HS6ST3: variants seen among roughly 807,000 people sequenced by gnomAD.
The protein encoded by HS6ST3 is heparan sulfate 6-O-sulfotransferase 3, also known as heparan-sulfate 6-O-sulfotransferase 3.
HS6ST3 carries 12 observed loss-of-function variants against 36.7 expected under a neutral mutation model. The ratio of observed to expected loss-of-function variants is 0.33; its 90% confidence interval spans 0.21 to 0.53. The LOEUF is 0.53. Among genes scored for constraint, HS6ST3 ranks in the 20% least tolerant of loss-of-function variants. HS6ST3 has a pLI of 0.95. For synonymous variants in HS6ST3, 240 were observed against 257.5 expected (o/e 0.93, Z 0.65); for missense variants, 584 against 640.9 (o/e 0.91, Z 0.96).
At chr13:96,177,595 T>C (rs1594705394) in intron 1 of HS6ST3, among the ~76,000 whole-genome samples, 2 of 151,946 alleles carry the variant, frequency 1.3e-5, no homozygotes, top group East Asian at 3.9e-4. Context: ...AAGAATGATA[T>C]GAACCCAAAG....
intron 1 of HS6ST3, among the ~76,000 whole-genome samples, chr13:96,226,251 G>T (rs10467348): frequency 0.45 from 69,048 of 152,098 alleles, 16,084 homozygotes; most frequent in Admixed American, 0.57. Context: ...CCAGACGCAG[G>T]GGCTCATGCC....
At chr13:96,141,988 A>G (rs1173913311) in intron 1 of HS6ST3, among the ~76,000 whole-genome samples, 1 of 144,180 alleles carries the variant, frequency 6.9e-6, no homozygotes, top group Admixed American at 7.1e-5. Flanking sequence ...TGCCAGATTT[A>G]TGACAGAGCC....
At chr13:96,241,818 C>T (rs1216700266) in intron 1 of HS6ST3, among the ~76,000 whole-genome samples, 2 of 138,904 alleles carry the variant, frequency 1.4e-5, no homozygotes, top group Non-Finnish European at 3.0e-5. Context: ...TGGAGTCTGG[C>T]TCTGTCGCCA....
intron 1 of HS6ST3, among the ~76,000 whole-genome samples, chr13:96,208,158 ACTCC>A (rs2054381337): frequency 6.6e-6 from 1 of 151,716 alleles, no homozygotes; most frequent in Admixed American, 6.6e-5. Flanking sequence ...AGCACCTCCC[ACTCC>A]CTCCATATAT....
At chr13:96,391,657 G>A (rs531324059) in intron 1 of HS6ST3, among the ~76,000 whole-genome samples, 189 of 152,280 alleles carry the variant, frequency 1.2e-3, no homozygotes, top group Admixed American at 2.8e-3. Context: ...GCAAGGAGGA[G>A]CAAGTCACGT....
At chr13:96,112,841 G>C (rs972981463) in intron 1 of HS6ST3, among the ~76,000 whole-genome samples, 2 of 151,778 alleles carry the variant, frequency 1.3e-5, no homozygotes, top group African/African-American at 4.8e-5. Flanking sequence ...AAGAGGACTG[G>C]TGGAGGGTAT....
intron 1 of HS6ST3, among the ~76,000 whole-genome samples, chr13:96,642,017 G>C (rs1594825111): frequency 6.6e-6 from 1 of 151,692 alleles, no homozygotes; most frequent in South Asian, 2.1e-4. Flanking sequence ...ACTGTTTACT[G>C]TTCTTTTACT....
At chr13:96,312,033 C>T (rs951145613) in intron 1 of HS6ST3, among the ~76,000 whole-genome samples, 1 of 152,106 alleles carries the variant, frequency 6.6e-6, no homozygotes, top group Non-Finnish European at 1.5e-5. Flanking sequence ...TGTCTTCCCC[C>T]TCCTGAAATC....
chr13:96,633,549 G>A (rs1013401577), intron 1 of HS6ST3, among the ~76,000 whole-genome samples: 10 of 152,204 alleles, frequency 6.6e-5, no homozygotes, highest in Non-Finnish European at 1.0e-4. Context: ...TGTAGGCATT[G>A]AGCACAGTGA....
intron 1 of HS6ST3, among the ~76,000 whole-genome samples, chr13:96,338,177 G>T (rs2055111351): frequency 1.3e-5 from 2 of 151,704 alleles, no homozygotes; most frequent in Non-Finnish European, 1.5e-5. Context: ...CCAATGTTTG[G>T]TGGCCTCTGG....
At chr13:96,282,190 G>T (rs1276484596) in intron 1 of HS6ST3, among the ~76,000 whole-genome samples, 1 of 152,180 alleles carries the variant, frequency 6.6e-6, no homozygotes, top group Non-Finnish European at 1.5e-5. Flanking sequence ...GTCATGCAAA[G>T]ATGTGAGAAT....
chr13:96,723,187 T>C (rs1875895686), intron 1 of HS6ST3, among the ~76,000 whole-genome samples: 1 of 152,128 alleles, frequency 6.6e-6, no homozygotes, highest in African/African-American at 2.4e-5. Flanking sequence ...ATGGTCATGA[T>C]ACGAAATTAT....
At chr13:96,175,325 A>G (rs1177123426) in intron 1 of HS6ST3, among the ~76,000 whole-genome samples, 1 of 151,932 alleles carries the variant, frequency 6.6e-6, no homozygotes, top group Non-Finnish European at 1.5e-5. Context: ...GTTCGTGAGC[A>G]GTCTGATACC....
At chr13:96,374,673 G>GCCTCACAAGCC (rs1206966569) in intron 1 of HS6ST3, among the ~76,000 whole-genome samples, 1 of 152,098 alleles carries the variant, frequency 6.6e-6, no homozygotes, top group Admixed American at 6.5e-5. Context: ...AGGGTCTTGA[G>GCCTCACAAGCC]TGGTAAAAAC....
chr13:96,804,039 G>C (rs1418233905), intron 1 of HS6ST3, among the ~76,000 whole-genome samples: 1 of 152,048 alleles, frequency 6.6e-6, no homozygotes, highest in Admixed American at 6.6e-5. Flanking sequence ...GACTTGGACA[G>C]GGATCTGGGG....
At chr13:96,449,642 T>G (rs384431) in intron 1 of HS6ST3, among the ~76,000 whole-genome samples, 2 of 152,024 alleles carry the variant, frequency 1.3e-5, no homozygotes, top group African/African-American at 2.4e-5. Context: ...TGTATATACG[T>G]GCATATGTAA....
chr13:96,128,447 T>C (rs2053961524), intron 1 of HS6ST3, among the ~76,000 whole-genome samples: 1 of 152,182 alleles, frequency 6.6e-6, no homozygotes, highest in Non-Finnish European at 1.5e-5. Context: ...CCAAGATAAC[T>C]AAGTGGAAGA....
chr13:96,464,660 A>G (rs1433010947), intron 1 of HS6ST3, among the ~76,000 whole-genome samples: 3 of 152,172 alleles, frequency 2.0e-5, no homozygotes, highest in African/African-American at 7.2e-5. Context: ...AGAAATCATG[A>G]TGCATTTAAG....
chr13:96,308,122 A>G (rs1230664830), intron 1 of HS6ST3, among the ~76,000 whole-genome samples: 1 of 152,122 alleles, frequency 6.6e-6, no homozygotes, highest in African/African-American at 2.4e-5. Flanking sequence ...GATATTTTTC[A>G]GTCTATAAGA....
Sources: allele counts gnomAD v4.1 joint callset (sites outside exome capture counted in the v4.1 genomes callset), GRCh38; gene constraint gnomAD v4.1.1; transcripts MANE v1.5; gene names NCBI Gene and HGNC (gene_info 2026-07-23, HGNC 2026-07-21).